PLEKHA7: variants seen among roughly 807,000 people sequenced by gnomAD.
The protein encoded by PLEKHA7 is pleckstrin homology domain-containing family A member 7.
Under a neutral mutation model 170.0 loss-of-function variants are expected in PLEKHA7, and 104 were observed. The observed-to-expected ratio is 0.61, with a 90% confidence interval of 0.52 to 0.72. The LOEUF (loss-of-function observed/expected upper bound fraction) is 0.72. Among genes scored for constraint, PLEKHA7 ranks in the 30% least tolerant of loss-of-function variants. PLEKHA7 has a pLI of 0.00. For synonymous variants in PLEKHA7, 648 were observed against 660.8 expected, an observed-to-expected ratio of 0.98 and a Z score of 0.30; for missense variants, 1,615 against 1,671.7, an observed-to-expected ratio of 0.97 and a Z score of 0.59.
At chr11:17,001,582 G>A (rs562735372) in intron 3 of PLEKHA7, among the ~76,000 whole-genome samples, 71 of 152,228 alleles carry the variant, frequency 4.7e-4, no homozygotes, top group African/African-American at 1.7e-3. Flanking sequence ...GGCTGGAATG[G>A]GATCTCTGGC....
chr11:16,944,238 C>T (rs1216643680), intron 3 of PLEKHA7, among the ~76,000 whole-genome samples: 1 of 152,116 alleles, frequency 6.6e-6, no homozygotes, highest in Non-Finnish European at 1.5e-5. Context: ...CCTGTAATCC[C>T]AGCTACTTAG....
chr11:16,895,644 A>G (rs1180404131), intron 3 of PLEKHA7, among the ~76,000 whole-genome samples: 1 of 152,230 alleles, frequency 6.6e-6, no homozygotes, highest in African/African-American at 2.4e-5. Context: ...AACCAAGAAC[A>G]CAGAGGGCAC....
At chr11:16,933,526 G>C (rs549047797) in intron 3 of PLEKHA7, among the ~76,000 whole-genome samples, 7 of 152,208 alleles carry the variant, frequency 4.6e-5, no homozygotes, top group Non-Finnish European at 8.8e-5. Flanking sequence ...GAAGGAAAGA[G>C]AAAAACAAGA....
intron 3 of PLEKHA7, among the ~76,000 whole-genome samples, chr11:17,002,753 C>T (rs1864743955): frequency 6.6e-6 from 1 of 152,142 alleles, no homozygotes; most frequent in Non-Finnish European, 1.5e-5. Context: ...CAGGTGGCTG[C>T]ACAGATTAAG....
At chr11:16,910,280 A>C (rs1346331157) in intron 3 of PLEKHA7, among the ~76,000 whole-genome samples, 1 of 152,234 alleles carries the variant, frequency 6.6e-6, no homozygotes, top group Non-Finnish European at 1.5e-5. Flanking sequence ...CAGAAAATTA[A>C]GCGACTTGCC....
chr11:16,813,032 G>A, intron 13 of PLEKHA7, 81 bp downstream of exon 13: 1 of 1,255,030 alleles, frequency 8.0e-7, no homozygotes, highest in Non-Finnish European at 1.2e-6. Flanking sequence ...TCTGGCCTTT[G>A]GCTTTGGGCT....
intron 3 of PLEKHA7, among the ~76,000 whole-genome samples, chr11:16,884,510 C>T (rs1855931831): frequency 6.6e-6 from 1 of 152,072 alleles, no homozygotes; most frequent in Non-Finnish European, 1.5e-5. Flanking sequence ...TGGTGGGCAC[C>T]TGTAATTCCA....
intron 23 of PLEKHA7, chr11:16,787,625 T>G (rs1285668409): frequency 6.6e-6 from 1 of 152,196 alleles, no homozygotes; most frequent in Non-Finnish European, 1.5e-5. Context: ...CACTAGACTC[T>G]ATAAGGTATC....
At chr11:16,945,968 A>G (rs964149155) in intron 3 of PLEKHA7, among the ~76,000 whole-genome samples, 1 of 152,224 alleles carries the variant, frequency 6.6e-6, no homozygotes, top group Admixed American at 6.5e-5. Flanking sequence ...TTTAAGGTAT[A>G]ACACATTCCC....
Position 16,906,320 on chromosome 11 carries a change from T to TCCTCTCCCTCTC in PLEKHA7, c.222-35139_222-35138insGAGAGGGAGAGG, listed in dbSNP as rs1218296501. On this transcript the variant is annotated intron_variant, in intron 3 of 26. Transcript: ENST00000531066. ...GAAAGGCTCCTCCTCTCCCTCTCCC[T>TCCTCTCCCTCTC]CCTCTCACTCTCCCTCTCCCTCTCT... 1.5e-4 allele frequency among the ~76,000 whole-genome samples: 20 copies of TCCTCTCCCTCTC among 136,236 alleles called. 2 individuals are homozygous for TCCTCTCCCTCTC. Among genetic ancestry groups the TCCTCTCCCTCTC allele is most frequent in the African/African-American group, 5.4e-4 (19 of 35,264 alleles). 89.4% of individuals were successfully genotyped at this position (136,236 alleles called of 152,430 possible).
chr11:16,898,478 A>C (rs1254889543), intron 3 of PLEKHA7, among the ~76,000 whole-genome samples: 2 of 152,082 alleles, frequency 1.3e-5, no homozygotes, highest in African/African-American at 4.8e-5. Flanking sequence ...TAGTTACTTA[A>C]CCTCTCTGAG....
intron 3 of PLEKHA7, among the ~76,000 whole-genome samples, chr11:16,947,871 A>G (rs1590693116): frequency 6.7e-6 from 1 of 150,072 alleles, no homozygotes; most frequent in Non-Finnish European, 1.5e-5. Flanking sequence ...AGCCGAGATC[A>G]TGCCACTACA....
At chr11:16,899,047 G>A (rs1019969607) in intron 3 of PLEKHA7, among the ~76,000 whole-genome samples, 5 of 152,162 alleles carry the variant, frequency 3.3e-5, no homozygotes, top group Non-Finnish European at 5.9e-5. Context: ...AGATCTCATA[G>A]GGTTTTTTGC....
At chr11:16,887,700 A>G (rs923137100) in intron 3 of PLEKHA7, among the ~76,000 whole-genome samples, 11 of 152,226 alleles carry the variant, frequency 7.2e-5, no homozygotes, top group South Asian at 4.1e-4. Flanking sequence ...TCAATGCTCA[A>G]TGTTGCCCAG....
At chr11:16,871,422 T>C (rs1300380487) in intron 3 of PLEKHA7, among the ~76,000 whole-genome samples, 2 of 152,012 alleles carry the variant, frequency 1.3e-5, no homozygotes, top group African/African-American at 4.8e-5. Flanking sequence ...TCTAAGGAAG[T>C]CTTGGCTCCA....
chr11:16,834,693 G>GA (rs1017685007), intron 9 of PLEKHA7, among the ~76,000 whole-genome samples: 2 of 152,096 alleles, frequency 1.3e-5, no homozygotes, highest in Non-Finnish European at 2.9e-5. Flanking sequence ...TATTAGAGAG[G>GA]AAAAAACATC....
intron 3 of PLEKHA7, among the ~76,000 whole-genome samples, chr11:16,892,406 T>TTGTGTGTGTGTGTGTGTGTGTGTGTGTG (rs58762762): frequency 1.7e-4 from 23 of 136,800 alleles, no homozygotes; most frequent in Admixed American, 2.9e-4. Flanking sequence ...TTGTTTTATT[T>TTGTGTGTGTGTGTGTGTGTGTGTGTGTG]TGTGTGTGTG....
intron 9 of PLEKHA7, among the ~76,000 whole-genome samples, chr11:16,836,977 C>T (rs1400100476): frequency 1.3e-5 from 2 of 152,086 alleles, no homozygotes; most frequent in East Asian, 1.9e-4. Flanking sequence ...GAACCCGCCA[C>T]CAAGCCCAGC....
chr11:16,832,493 A>G (rs1335271340), intron 9 of PLEKHA7, among the ~76,000 whole-genome samples: 1 of 152,214 alleles, frequency 6.6e-6, no homozygotes, highest in East Asian at 1.9e-4. Context: ...TTGAATGTTA[A>G]CAGATCTTAC....
Sources: gnomAD v4.1 joint callset for allele counts (sites outside exome capture counted in the v4.1 genomes callset) on GRCh38, gnomAD v4.1.1 for gene constraint, MANE v1.5 for transcripts, NCBI Gene and HGNC (gene_info 2026-07-23, HGNC 2026-07-21) for gene names.